Variants in OSBP2 observed in about 807,000 individuals in gnomAD.
OSBP2 encodes oxysterol binding protein 2.
A neutral mutation model predicts 96.0 loss-of-function variants in OSBP2; 66 were observed. The observed-to-expected ratio is 0.69, with a 90% CI of 0.56 to 0.84. The LOEUF (loss-of-function observed/expected upper bound fraction) is 0.84. Ranked by LOEUF, OSBP2 falls within the 40% of genes least tolerant of loss-of-function variation. The pLI, the probability that OSBP2 is intolerant of heterozygous loss-of-function variation, is 0.00. For missense variants in OSBP2, 1,038 were observed against 1,222.7 expected, an observed-to-expected ratio of 0.85 and a Z score of 2.25; for synonymous variants, 525 against 520.9, an observed-to-expected ratio of 1.01 and a Z score of -0.11.
intron 1 of OSBP2, among the ~76,000 whole-genome samples, chr22:30,714,093 A>G (rs115734269): frequency 6.6e-6 from 1 of 151,994 alleles, no homozygotes; most frequent in Non-Finnish European, 1.5e-5. Flanking sequence ...TCTAATAACT[A>G]CTATGCTACT....
chr22:30,737,987 C>T (rs954226067), intron 1 of OSBP2, among the ~76,000 whole-genome samples: 1 of 152,138 alleles, frequency 6.6e-6, no homozygotes, highest in Non-Finnish European at 1.5e-5. Flanking sequence ...GCTGGGATTA[C>T]AGGCGTGAGC....
In OSBP2 at chr22:30,788,158, G is replaced by A. The variant is rs533650370; in HGVS notation, c.853+46789G>A. On this transcript the variant is annotated intron_variant, in intron 2 of 13. Transcript: ENST00000332585. ...TGTGTGAAGTGTCAGCGCCATACCT[G>A]GTCCATATGGCCTCAGTACAAGTGA... 3.3e-5 allele frequency among the ~76,000 whole-genome samples: 5 copies of A among 152,188 alleles called. No homozygotes were observed. The South Asian group carries it at 8.3e-4, about 25-fold the overall frequency.
chr22:30,715,091 T>C (rs136385), intron 1 of OSBP2, among the ~76,000 whole-genome samples: 131,028 of 151,314 alleles, frequency 0.87, 56,882 homozygotes, highest in East Asian at 1. Flanking sequence ...GAGATGGGAT[T>C]TTGCTATGTT....
At chr22:30,768,637 A>G (rs2090308441) in intron 2 of OSBP2, among the ~76,000 whole-genome samples, 2 of 151,920 alleles carry the variant, frequency 1.3e-5, no homozygotes, top group African/African-American at 4.8e-5. Context: ...AGATCACACC[A>G]TTGCACTCCA....
chr22:30,839,983 G>GT (rs1465843614), intron 2 of OSBP2, among the ~76,000 whole-genome samples: 8 of 150,340 alleles, frequency 5.3e-5, no homozygotes, highest in Non-Finnish European at 1.2e-4. Context: ...TAGGTCTAAC[G>GT]TTTAAGTCTT....
intron 2 of OSBP2, among the ~76,000 whole-genome samples, chr22:30,842,085 C>G (rs1035953626): frequency 6.6e-6 from 1 of 152,022 alleles, no homozygotes; most frequent in African/African-American, 2.4e-5. Flanking sequence ...TAGCTGGGAC[C>G]ACAGGGGTGC....
intron 1 of OSBP2, among the ~76,000 whole-genome samples, chr22:30,707,710 CTG>C (rs756175681): frequency 6.8e-6 from 1 of 147,504 alleles, no homozygotes; most frequent in South Asian, 2.2e-4. Context: ...GAGCGAGACT[CTG>C]TCTCAAAAAA....
At chr22:30,866,336 A>C (rs1167280082) in intron 2 of OSBP2, among the ~76,000 whole-genome samples, 2 of 152,236 alleles carry the variant, frequency 1.3e-5, no homozygotes, top group Non-Finnish European at 2.9e-5. Flanking sequence ...AGCCTGCAGA[A>C]GCTAGAAAAG....
At chr22:30,845,473 A>G (rs985453740) in intron 2 of OSBP2, among the ~76,000 whole-genome samples, 8 of 152,074 alleles carry the variant, frequency 5.3e-5, no homozygotes, top group African/African-American at 1.9e-4. Context: ...TGTAAGAATT[A>G]CCAAAATGTG....
chr22:30,900,455 A>G (rs140426819), intron 12 of OSBP2, among the ~76,000 whole-genome samples: 2 of 152,276 alleles, frequency 1.3e-5, no homozygotes, highest in East Asian at 3.9e-4. Context: ...AAATCAAACA[A>G]AACCCCAATA....
Position 30,870,170 on chromosome 22 carries a change from C to T in OSBP2, c.854-259C>T, listed in dbSNP as rs1354457128. On this transcript the variant is annotated intron_variant, in intron 2 of 13. Transcript: ENST00000332585. This position sits in a 1 kb window ranked among gnomAD's most constrained non-coding sequence, Gnocchi z 4.1. The stretch of plus-strand genomic sequence containing the variant: ...GCCTGCCGCCTCCAAAGCCCAGTCC[C>T]GGCCCTGCCATTCAATCTGGGCTCT... 3.9e-5 allele frequency among the ~76,000 whole-genome samples: 6 copies of T among 152,200 alleles called. No homozygotes were observed. The highest frequency in any genetic ancestry group is 8.8e-5 in the Non-Finnish European group (6 of 68,032).
chr22:30,876,357 A>G lies in OSBP2; in HGVS notation c.1107+5675A>G, dbSNP rs995486568. On this transcript the variant is annotated intron_variant, in intron 3 of 13. Transcript: ENST00000332585. ...CTCCAGTCATGGTGGGCCCGTGGGC[A>G]GGACTTGGTCATTGGGCAAGGCTTG... Among the ~76,000 whole-genome samples, 36 of 152,172 alleles carry G rather than the reference A, an allele frequency of 2.4e-4. 2 individuals carry two copies. Among genetic ancestry groups the G allele is most frequent in the Non-Finnish European group, 2.9e-5 (2 of 68,020 alleles).
intron 2 of OSBP2, among the ~76,000 whole-genome samples, chr22:30,797,921 G>A (rs897110485): frequency 6.6e-6 from 1 of 152,134 alleles, no homozygotes; most frequent in African/African-American, 2.4e-5. Flanking sequence ...TGGTGTACAC[G>A]TATCTCTTTG....
intron 3 of OSBP2, among the ~76,000 whole-genome samples, chr22:30,880,844 G>T (rs2039688902): frequency 6.6e-6 from 1 of 152,206 alleles, no homozygotes; most frequent in Non-Finnish European, 1.5e-5. Flanking sequence ...TCTGTCCCAT[G>T]GGGCACCGGT....
intron 2 of OSBP2, among the ~76,000 whole-genome samples, chr22:30,826,170 G>A (rs1353164224): frequency 1.3e-5 from 2 of 152,178 alleles, no homozygotes; most frequent in African/African-American, 4.8e-5. Context: ...GGGAATTGAT[G>A]GAGGACACGG....
Position 30,905,776 on chromosome 22 carries a change from C to T in OSBP2, c.2376-61C>T. 7 of 1,592,328 alleles carry T rather than the reference C, an allele frequency of 4.4e-6. No homozygotes were observed. In the South Asian group the frequency reaches 7.9e-5, roughly 18 times the overall value. ...GACACCGCCAGGCAGGGGAGGGCGG[C>T]CGGGTAGGTGTGGTCCGGCTCACAC... On this transcript the variant is annotated intron_variant, in intron 12 of 13. Coordinates refer to ENST00000332585, the MANE Select transcript of OSBP2 (RefSeq NM_030758.4).
At chr22:30,701,533 C>T (rs1006449218) in intron 1 of OSBP2, among the ~76,000 whole-genome samples, 4 of 151,986 alleles carry the variant, frequency 2.6e-5, no homozygotes, top group African/African-American at 7.2e-5. Context: ...TTAGTACAGA[C>T]GGGGTTTCAC....
At chr22:30,832,393 C>A (rs1000136060) in intron 2 of OSBP2, among the ~76,000 whole-genome samples, 1 of 151,714 alleles carries the variant, frequency 6.6e-6, no homozygotes, top group South Asian at 2.1e-4. Context: ...CCATCTCAAG[C>A]GATCCTCCCA....
intron 1 of OSBP2, among the ~76,000 whole-genome samples, chr22:30,717,703 TAG>T (rs2089486677): frequency 6.6e-6 from 1 of 152,202 alleles, no homozygotes; most frequent in Admixed American, 6.5e-5. Flanking sequence ...TTTTGACACT[TAG>T]AGTCTCCTTA....
Sources: gnomAD v4.1 joint callset for allele counts (sites outside exome capture counted in the v4.1 genomes callset) on GRCh38, gnomAD v4.1.1 for gene constraint, Gnocchi (gnomAD v3.1) non-coding constraint, MANE v1.5 for transcripts, NCBI Gene and HGNC (gene_info 2026-07-23, HGNC 2026-07-21) for gene names.